The following AGBL1 variants were observed in gnomAD, a reference collection of about 807,000 sequenced individuals.
AGBL1 encodes AGBL carboxypeptidase 1, also known as cytosolic carboxypeptidase 4.
Under a neutral mutation model 118.9 loss-of-function variants are expected in AGBL1, and 130 were observed. That is an observed-to-expected ratio of 1.09 (90% confidence interval 0.95 to 1.26). The LOEUF is 1.26. Ranked by LOEUF, AGBL1 falls within the 50% of genes most tolerant of loss-of-function variation. AGBL1 has a pLI of 0.00. For missense variants in AGBL1, 1,584 were observed against 1,298.1 expected (o/e 1.22, Z -3.38); for synonymous variants, 555 against 478.9 (o/e 1.16, Z -2.08).
intron 18 of AGBL1, among the ~76,000 whole-genome samples, chr15:86,406,897 G>A (rs1404418703): frequency 6.6e-6 from 1 of 152,118 alleles, no homozygotes; most frequent in African/African-American, 2.4e-5. Context: ...ACTGTAGAAA[G>A]ATGAATATTT....
intron 22 of AGBL1, among the ~76,000 whole-genome samples, chr15:86,773,042 C>T (rs1017544628): frequency 9.9e-5 from 15 of 152,086 alleles, no homozygotes; most frequent in Admixed American, 2.6e-4. Flanking sequence ...TTAGATTTAC[C>T]TGGATTTTTC....
Position 86,121,258 on chromosome 15 carries a change from G to T in AGBL1, c.52-20746G>T, listed in dbSNP as rs201945509. Among the ~76,000 whole-genome samples the T allele has an allele frequency of 9.9e-3, 1,506 of 152,124 alleles. 17 individuals are homozygous for T. The highest frequency in any genetic ancestry group is 0.035 in the African/African-American group (1,450 of 41,528). ...GGTCATTTTAGAACAATTGAAAATTGAATAAGCAAAAATAATTTGTCATTT... is the reference window on the plus strand; with the variant it reads ...GGTCATTTTAGAACAATTGAAAATTTAATAAGCAAAAATAATTTGTCATTT... On this transcript the variant is annotated intron_variant, in intron 1 of 22. Transcript: ENST00000614907.
At chr15:86,568,963 T>C (rs1417830796) in intron 21 of AGBL1, among the ~76,000 whole-genome samples, 1 of 152,140 alleles carries the variant, frequency 6.6e-6, no homozygotes, top group African/African-American at 2.4e-5. Flanking sequence ...ATTCCTAGTA[T>C]GAGATACTTT....
intron 24 of AGBL1, among the ~76,000 whole-genome samples, chr15:87,004,779 A>C (rs1049636189): frequency 6.6e-6 from 1 of 152,098 alleles, no homozygotes; most frequent in Admixed American, 6.6e-5. Flanking sequence ...GTTTCTTCCT[A>C]GCATTGATGG....
chr15:86,782,965 C>A (rs1197964303), intron 22 of AGBL1, among the ~76,000 whole-genome samples: 2 of 152,128 alleles, frequency 1.3e-5, no homozygotes, highest in East Asian at 3.9e-4. Flanking sequence ...AATTCTTTGG[C>A]CACTTTTCCT....
chr15:86,534,836 C>T (rs779945466), intron 19 of AGBL1, among the ~76,000 whole-genome samples: 8 of 152,022 alleles, frequency 5.3e-5, no homozygotes, highest in Non-Finnish European at 1.2e-4. Flanking sequence ...AGTATAAGAT[C>T]AGTGAAAGTA....
At chr15:86,530,121 A>T (rs1173634772) in intron 19 of AGBL1, among the ~76,000 whole-genome samples, 5 of 139,274 alleles carry the variant, frequency 3.6e-5, no homozygotes, top group Admixed American at 6.7e-5. Flanking sequence ...TCAACTTTAA[A>T]TGTAAATGGA....
At chr15:86,846,363 A>T (rs1489465734) in intron 22 of AGBL1, among the ~76,000 whole-genome samples, 3 of 151,972 alleles carry the variant, frequency 2.0e-5, no homozygotes, top group East Asian at 3.9e-4. Context: ...TTCTGATAAG[A>T]AGTCTGCCAT....
chr15:86,167,012 C>A (rs186369417), intron 5 of AGBL1, among the ~76,000 whole-genome samples: 1 of 152,264 alleles, frequency 6.6e-6, no homozygotes, highest in Non-Finnish European at 1.5e-5. Context: ...GCTCTAGGAA[C>A]TTTCACTTGC....
At chr15:86,256,636 G>A (rs1253735480) in intron 7 of AGBL1, among the ~76,000 whole-genome samples, 3 of 152,208 alleles carry the variant, frequency 2.0e-5, no homozygotes, top group African/African-American at 7.2e-5. Context: ...AGACAGAAAA[G>A]TGCAGATTCT....
At chr15:86,113,653 C>G (rs529563792) in intron 1 of AGBL1, among the ~76,000 whole-genome samples, 1 of 152,226 alleles carries the variant, frequency 6.6e-6, no homozygotes, top group East Asian at 1.9e-4. Context: ...ATTCCCCATC[C>G]TAGGTTTTAA....
At chr15:86,902,779 ATTG>A (rs1053590572) in intron 22 of AGBL1, among the ~76,000 whole-genome samples, 3 of 152,072 alleles carry the variant, frequency 2.0e-5, no homozygotes, top group African/African-American at 7.2e-5. Flanking sequence ...TGCCATTCTA[ATTG>A]CTTTTCCCTA....
chr15:86,921,320 T>A (rs892885502), intron 23 of AGBL1, among the ~76,000 whole-genome samples: 3 of 152,116 alleles, frequency 2.0e-5, no homozygotes, highest in Non-Finnish European at 4.4e-5. Flanking sequence ...AAAATGGCCG[T>A]CAGAGTTCAG....
chr15:86,377,997 C>T (rs1057141283), intron 17 of AGBL1, among the ~76,000 whole-genome samples: 1 of 152,162 alleles, frequency 6.6e-6, no homozygotes, highest in African/African-American at 2.4e-5. Context: ...ATTGTAATAT[C>T]TGGATGGGAA....
intron 17 of AGBL1, among the ~76,000 whole-genome samples, chr15:86,326,122 A>G (rs2080179341): frequency 6.6e-6 from 1 of 152,100 alleles, no homozygotes; most frequent in African/African-American, 2.4e-5. Context: ...CATTCTCTCC[A>G]TCAACAAGTA....
chr15:86,896,443 T>C (rs1255596274), intron 22 of AGBL1, among the ~76,000 whole-genome samples: 2 of 152,046 alleles, frequency 1.3e-5, no homozygotes, highest in African/African-American at 4.8e-5. Flanking sequence ...TTGTTTCTGA[T>C]GGGGGCCTCA....
At chr15:86,703,661 T>C (rs919170694) in intron 22 of AGBL1, among the ~76,000 whole-genome samples, 1 of 152,084 alleles carries the variant, frequency 6.6e-6, no homozygotes, top group Non-Finnish European at 1.5e-5. Flanking sequence ...TTTTTTCCCA[T>C]GCTGTTCTTC....
chr15:86,261,772 G>C (rs553320194), intron 9 of AGBL1, among the ~76,000 whole-genome samples: 2 of 151,982 alleles, frequency 1.3e-5, no homozygotes, highest in African/African-American at 4.8e-5. Context: ...TCATTAAAAG[G>C]TTTCGAAATG....
At chr15:86,862,754 C>G (rs1214171760) in intron 22 of AGBL1, among the ~76,000 whole-genome samples, 1 of 152,100 alleles carries the variant, frequency 6.6e-6, no homozygotes, top group Admixed American at 6.5e-5. Context: ...AATACAAAAA[C>G]AAAGTTCTTT....
Sources: allele counts gnomAD v4.1 joint callset (sites outside exome capture counted in the v4.1 genomes callset), GRCh38; gene constraint gnomAD v4.1.1; transcripts MANE v1.5; gene names NCBI Gene and HGNC (gene_info 2026-07-23, HGNC 2026-07-21).